Variants in MYO6 observed in about 807,000 individuals in gnomAD.
The protein encoded by MYO6 is unconventional myosin-VI.
A neutral mutation model predicts 178.7 loss-of-function variants in MYO6; 74 were observed. The observed-to-expected ratio is 0.41, with a 90% CI of 0.34 to 0.50. The LOEUF (loss-of-function observed/expected upper bound fraction) is 0.50, where lower values mean the gene tolerates loss of function less well. Ranked by LOEUF, MYO6 falls within the 20% of genes least tolerant of loss-of-function variation. The pLI, the probability that MYO6 is intolerant of heterozygous loss-of-function variation, is 0.09. For missense variants in MYO6, 1,330 were observed against 1,547.4 expected, an observed-to-expected ratio of 0.86 and a Z score of 2.36; for synonymous variants, 477 against 504.6, an observed-to-expected ratio of 0.95 and a Z score of 0.73.
chr6:75,753,153 A>G (rs796270949), intron 1 of MYO6, among the ~76,000 whole-genome samples: 19 of 152,270 alleles, frequency 1.2e-4, no homozygotes, highest in African/African-American at 3.9e-4. Flanking sequence ...GCATTTCAGC[A>G]GTAGGATGTA....
intron 19 of MYO6, among the ~76,000 whole-genome samples, chr6:75,871,947 T>C (rs1005963554): frequency 6.6e-6 from 1 of 151,834 alleles, no homozygotes; most frequent in Non-Finnish European, 1.5e-5. Flanking sequence ...CCCAATATGG[T>C]GAAACCTCGT....
chr6:75,892,487 C>T (rs1369413499), intron 27 of MYO6, 43 bp from the exon 28 acceptor site: 6 of 1,613,360 alleles, frequency 3.7e-6, no homozygotes, highest in East Asian at 4.5e-5. Context: ...ATCAAGTAAA[C>T]AAGTGAAGAA....
intron 33 of MYO6, 126 bp from the exon 34 acceptor site, chr6:75,913,937 T>A: frequency 1.4e-6 from 1 of 727,836 alleles, no homozygotes; most frequent in Non-Finnish European, 2.2e-6. Flanking sequence ...TATTTTCATT[T>A]TGTTTTAAAT....
At chr6:75,757,959 A>G (rs1777605510) in intron 1 of MYO6, among the ~76,000 whole-genome samples, 2 of 142,964 alleles carry the variant, frequency 1.4e-5, no homozygotes, top group Non-Finnish European at 3.0e-5. Flanking sequence ...TTTGGTTGGA[A>G]TCTTGAAGTT....
chr6:75,806,429 C>T (rs1320181838), intron 1 of MYO6, among the ~76,000 whole-genome samples: 1 of 151,784 alleles, frequency 6.6e-6, no homozygotes, highest in Non-Finnish European at 1.5e-5. Flanking sequence ...AGTGAGTGTC[C>T]ATGGCTTCTT....
chr6:75,861,101 T>C lies in MYO6; in HGVS notation c.1546+6T>C, dbSNP rs199999513. On this transcript the variant is annotated splice_donor_region_variant and intron_variant, in intron 15 of 34. Coordinates refer to ENST00000369977, the MANE Select transcript of MYO6 (RefSeq NM_004999.4). ...GGATAATCAGGACTGTATAGGTATG[T>C]GTTTTTTAACTCCACCTTTGAAAAA... is the stretch of plus-strand genomic sequence containing the variant. 145 of 1,598,008 alleles carry C rather than the reference T, an allele frequency of 9.1e-5. No homozygotes were observed. In the African/African-American group the frequency reaches 1.9e-3, roughly 20 times the overall value.
At chr6:75,784,496 C>T (rs368692520) in intron 1 of MYO6, among the ~76,000 whole-genome samples, 19 of 151,096 alleles carry the variant, frequency 1.3e-4, no homozygotes, top group Admixed American at 1.3e-4. Flanking sequence ...GAAGTTTGCC[C>T]GGCGCGGTGG....
intron 9 of MYO6, among the ~76,000 whole-genome samples, chr6:75,843,314 G>A (rs1192533120): frequency 6.6e-6 from 1 of 152,178 alleles, no homozygotes; most frequent in East Asian, 1.9e-4. Context: ...ATACCTGTCT[G>A]TAAACATTTT....
intron 30 of MYO6, among the ~76,000 whole-genome samples, chr6:75,904,485 C>T (rs1780103294): frequency 6.6e-6 from 1 of 152,026 alleles, no homozygotes; most frequent in Admixed American, 6.6e-5. Flanking sequence ...ATTTCATCTT[C>T]CATCGCTGAT....
At chr6:75,759,177 T>C (rs1167444616) in intron 1 of MYO6, among the ~76,000 whole-genome samples, 1 of 152,184 alleles carries the variant, frequency 6.6e-6, no homozygotes, top group Non-Finnish European at 1.5e-5. Flanking sequence ...GCCGTTTCTA[T>C]AGATCCGGTC....
At chr6:75,825,783 A>G (rs1772405772) in intron 3 of MYO6, among the ~76,000 whole-genome samples, 1 of 152,148 alleles carries the variant, frequency 6.6e-6, no homozygotes. Context: ...AAATGCTCAG[A>G]TAACTCTCTA....
intron 1 of MYO6, among the ~76,000 whole-genome samples, chr6:75,775,603 T>G (rs1766304556): frequency 6.6e-6 from 1 of 152,232 alleles, no homozygotes; most frequent in Non-Finnish European, 1.5e-5. Flanking sequence ...GGGGAGCAGA[T>G]TGCCAAATAC....
intron 1 of MYO6, among the ~76,000 whole-genome samples, chr6:75,817,212 G>A (rs1317888012): frequency 4.6e-5 from 7 of 151,778 alleles, no homozygotes; most frequent in South Asian, 4.2e-4. Context: ...GGCTGAGGCA[G>A]GAGAATGGCG....
chr6:75,753,076 G>A (rs957733480), intron 1 of MYO6, among the ~76,000 whole-genome samples: 10 of 152,020 alleles, frequency 6.6e-5, no homozygotes, highest in Non-Finnish European at 1.3e-4. Context: ...CCCTTGAGCC[G>A]CAATAGACAT....
chr6:75,884,819 A>G (rs1778304559), intron 23 of MYO6, among the ~76,000 whole-genome samples: 1 of 152,274 alleles, frequency 6.6e-6, no homozygotes, highest in Non-Finnish European at 1.5e-5. Context: ...AAGGTCTGCA[A>G]AATATCTGGA....
At position 75,821,640 on chromosome 6, in the gene MYO6, A is replaced by ACACAC. The variant is rs1562207212; in HGVS notation, c.118-1142_118-1141insCACAC. ...TTGTAGCTTTACACACACACACACA[A>ACACAC]ACACACACACACACACCCCTATAAA... On this transcript the variant is annotated intron_variant, in intron 2 of 34. Transcript: ENST00000369977. Among the ~76,000 whole-genome samples the ACACAC allele has an allele frequency of 2.7e-5, 3 of 109,306 alleles. No individual in the cohort carries two copies. The Admixed American group carries it at 3.2e-4, about 11-fold the overall frequency. 71.7% of individuals were successfully genotyped at this position (109,306 alleles called of 152,430 possible). A position where few individuals can be genotyped will look rare whatever the true frequency, so the allele number is the denominator to read the frequency against.
At chr6:75,828,432 TAAC>T (rs1772703813) in intron 3 of MYO6, 105 bp from the exon 4 acceptor site, 1 of 732,872 alleles carries the variant, frequency 1.4e-6, no homozygotes, top group Middle Eastern at 4.0e-4. Context: ...AAATGTAACC[TAAC>T]AATTGATTTT....
intron 1 of MYO6, among the ~76,000 whole-genome samples, chr6:75,802,185 TTGGCTGGGC>T (rs1769533859): frequency 6.6e-6 from 1 of 151,448 alleles, no homozygotes; most frequent in African/African-American, 2.4e-5. Context: ...AAATATTTCT[TTGGCTGGGC>T]ATGGTGGCTC....
chr6:75,894,861 A>G lies in MYO6; in HGVS notation c.3108-370A>G, dbSNP rs200483473. 1,526 of 1,416,272 alleles carry G rather than the reference A, an allele frequency of 1.1e-3. 4 individuals are homozygous for G. The Middle Eastern group carries it at 0.011, about 10-fold the overall frequency. 87.7% of individuals were successfully genotyped at this position (1,416,272 alleles called of 1,614,324 possible). On this transcript the variant is annotated intron_variant, in intron 28 of 34. Transcript: ENST00000369977. ...TCTAAGTAAGAATTGTTTTCTATGT[A>G]TGTCATATGTTCTGAAATATAATTT... is the stretch of plus-strand genomic sequence containing the variant.
Sources: gnomAD v4.1 joint callset for allele counts (sites outside exome capture counted in the v4.1 genomes callset) on GRCh38, gnomAD v4.1.1 for gene constraint, MANE v1.5 for transcripts, NCBI Gene and HGNC (gene_info 2026-07-23, HGNC 2026-07-21) for gene names.